CDH9: variants seen among roughly 807,000 people sequenced by gnomAD.
CDH9 encodes the protein cadherin-9.
Under a neutral mutation model 70.9 loss-of-function variants are expected in CDH9, and 28 were observed. That is an observed-to-expected ratio of 0.40 (90% CI 0.29 to 0.54). CDH9 has a LOEUF of 0.54. Among genes scored for constraint, CDH9 ranks in the 20% least tolerant of loss-of-function variants. CDH9 has a pLI of 0.59. For missense variants in CDH9, 874 were observed against 984.4 expected (o/e 0.89, Z 1.50); for synonymous variants, 409 against 343.1 (o/e 1.19, Z -2.12).
chr5:27,019,511 T>A (rs1473059313), intron 1 of CDH9, among the ~76,000 whole-genome samples: 1 of 151,962 alleles, frequency 6.6e-6, no homozygotes, highest in Non-Finnish European at 1.5e-5. Flanking sequence ...GCAAATTATC[T>A]AGAGTTATTT....
At chr5:26,927,928 C>G (rs996630524) in intron 2 of CDH9, among the ~76,000 whole-genome samples, 1 of 152,048 alleles carries the variant, frequency 6.6e-6, no homozygotes, top group Non-Finnish European at 1.5e-5. Context: ...CTGTTTACCC[C>G]TGCTCCTCAA....
chr5:26,922,297 C>T (rs1234994559), intron 2 of CDH9, among the ~76,000 whole-genome samples: 1 of 151,670 alleles, frequency 6.6e-6, no homozygotes, highest in African/African-American at 2.4e-5. Context: ...ATCAAACTTC[C>T]AAGGTCAAGG....
chr5:26,896,464 T>G (rs1740751604), intron 7 of CDH9, among the ~76,000 whole-genome samples: 1 of 151,544 alleles, frequency 6.6e-6, no homozygotes, highest in Non-Finnish European at 1.5e-5. Flanking sequence ...AGTATATCAT[T>G]TATACAATAG....
intron 2 of CDH9, among the ~76,000 whole-genome samples, chr5:26,976,580 G>A (rs2112079185): frequency 1.3e-5 from 2 of 152,170 alleles, no homozygotes; most frequent in Middle Eastern, 6.8e-3. Flanking sequence ...TGAGACCACA[G>A]GCGCAGGACA....
chr5:27,031,155 A>C (rs543973025), intron 1 of CDH9, among the ~76,000 whole-genome samples: 1 of 151,974 alleles, frequency 6.6e-6, no homozygotes, highest in East Asian at 1.9e-4. Flanking sequence ...TTACATAATT[A>C]GAATTGGATA....
chr5:26,923,624 A>C (rs926914994), intron 2 of CDH9, among the ~76,000 whole-genome samples: 1 of 152,028 alleles, frequency 6.6e-6, no homozygotes, highest in Admixed American at 6.6e-5. Flanking sequence ...CAGAACATAC[A>C]TTCTTATTGA....
intron 1 of CDH9, among the ~76,000 whole-genome samples, chr5:27,029,074 C>T (rs973677445): frequency 1.3e-5 from 2 of 151,888 alleles, no homozygotes; most frequent in African/African-American, 4.8e-5. Context: ...ATATCTCACT[C>T]AATTTGACAA....
intron 2 of CDH9, among the ~76,000 whole-genome samples, chr5:26,928,590 A>G (rs1741386230): frequency 1.3e-5 from 2 of 152,112 alleles, no homozygotes; most frequent in African/African-American, 2.4e-5. Context: ...CTGACTTCAA[A>G]TTATACCACG....
chr5:27,009,112 A>G (rs1742914676), intron 1 of CDH9, among the ~76,000 whole-genome samples: 1 of 152,162 alleles, frequency 6.6e-6, no homozygotes, highest in South Asian at 2.1e-4. Flanking sequence ...TCTCCCGCAG[A>G]AAAATACTCA....
chr5:26,981,222 G>C (rs1216094165), intron 2 of CDH9, among the ~76,000 whole-genome samples: 1 of 151,988 alleles, frequency 6.6e-6, no homozygotes, highest in Non-Finnish European at 1.5e-5. Flanking sequence ...GTATCCGTGG[G>C]TGATTGGTTC....
chr5:26,890,996 AG>A (rs1740650701), intron 7 of CDH9, among the ~76,000 whole-genome samples: 1 of 152,216 alleles, frequency 6.6e-6, no homozygotes, highest in Non-Finnish European at 1.5e-5. Flanking sequence ...AATATCGAGA[AG>A]GCTATTATAA....
intron 3 of CDH9, among the ~76,000 whole-genome samples, chr5:26,915,083 A>T (rs570506611): frequency 6.6e-6 from 1 of 152,124 alleles, no homozygotes; most frequent in East Asian, 1.9e-4. Context: ...AGAGACTTGC[A>T]ATCTTGTCAT....
intron 1 of CDH9, among the ~76,000 whole-genome samples, chr5:27,018,240 A>G (rs1416860067): frequency 6.6e-6 from 1 of 151,876 alleles, no homozygotes; most frequent in Non-Finnish European, 1.5e-5. Context: ...ATATGGGAAG[A>G]GAATTTTAAA....
intron 2 of CDH9, among the ~76,000 whole-genome samples, chr5:26,945,356 T>C (rs1741734613): frequency 1.3e-5 from 2 of 152,136 alleles, no homozygotes; most frequent in Non-Finnish European, 2.9e-5. Flanking sequence ...ATATCATTTA[T>C]TGCATGCATA....
At chr5:26,903,908 T>A in intron 5 of CDH9, 84 bp from the exon 6 acceptor site, 1 of 700,080 alleles carries the variant, frequency 1.4e-6, no homozygotes, top group Non-Finnish European at 2.4e-6. Flanking sequence ...CTTAAATACA[T>A]TAATTTTAAA....
chr5:26,883,538 T>C (rs572986586), intron 11 of CDH9, among the ~76,000 whole-genome samples: 1 of 152,168 alleles, frequency 6.6e-6, no homozygotes, highest in South Asian at 2.1e-4. Context: ...ATTATTGGCA[T>C]AAACTATGGT....
At chr5:27,012,729 T>A (rs1742980037) in intron 1 of CDH9, among the ~76,000 whole-genome samples, 1 of 152,036 alleles carries the variant, frequency 6.6e-6, no homozygotes, top group Admixed American at 6.6e-5. Flanking sequence ...TACTCTAACT[T>A]AACTTCAAAA....
chr5:26,989,345 T>C (rs554641661), intron 1 of CDH9, among the ~76,000 whole-genome samples: 1 of 152,100 alleles, frequency 6.6e-6, no homozygotes, highest in African/African-American at 2.4e-5. Flanking sequence ...TATTAAGCAA[T>C]GGAAATTAAT....
intron 1 of CDH9, among the ~76,000 whole-genome samples, chr5:27,036,209 T>C (rs1210869326): frequency 6.6e-6 from 1 of 151,836 alleles, no homozygotes; most frequent in African/African-American, 2.4e-5. Context: ...TAATTAACTT[T>C]GCTTTAAAAA....
Sources: allele counts gnomAD v4.1 joint callset (sites outside exome capture counted in the v4.1 genomes callset), GRCh38; gene constraint gnomAD v4.1.1; transcripts MANE v1.5; gene names NCBI Gene and HGNC (gene_info 2026-07-23, HGNC 2026-07-21).